FHIT: variants seen among roughly 807,000 people sequenced by gnomAD.
The protein encoded by FHIT is fragile histidine triad diadenosine triphosphatase.
Under a neutral mutation model 17.9 loss-of-function variants are expected in FHIT, and 19 were observed. The observed-to-expected ratio is 1.06, with a 90% CI of 0.74 to 1.56. FHIT has a LOEUF of 1.56. FHIT is among the 40% of genes most tolerant of loss of function. The probability of loss-of-function intolerance (pLI) is 0.00; values close to 1 mark genes in which losing one functional copy is unlikely to be tolerated. For missense variants in FHIT, 248 were observed against 189.2 expected (o/e 1.31, Z -1.82); for synonymous variants, 81 against 69.7 (o/e 1.16, Z -0.81).
intron 8 of FHIT, among the ~76,000 whole-genome samples, chr3:59,860,615 A>G (rs181111930): frequency 6.6e-6 from 1 of 152,252 alleles, no homozygotes; most frequent in East Asian, 1.9e-4. Flanking sequence ...AAAGTATGAG[A>G]CTGACTGGAG....
chr3:60,520,735 A>G (rs902340042), intron 5 of FHIT, among the ~76,000 whole-genome samples: 53 of 152,250 alleles, frequency 3.5e-4, no homozygotes, highest in African/African-American at 1.0e-3. Context: ...TGGAGGAGCG[A>G]GACACTTAGA....
chr3:60,910,063 A>G (rs1275478985), intron 3 of FHIT, among the ~76,000 whole-genome samples: 1 of 152,058 alleles, frequency 6.6e-6, no homozygotes. Context: ...CCTTTAATGC[A>G]CTGTCCCGCC....
chr3:59,806,904 C>A (rs1700227180), intron 8 of FHIT, among the ~76,000 whole-genome samples: 1 of 152,022 alleles, frequency 6.6e-6, no homozygotes, highest in South Asian at 2.1e-4. Context: ...AGGGAAAGAT[C>A]TTCAGAAAGC....
chr3:60,441,763 T>TATACACACAC (rs1559916125), intron 5 of FHIT, among the ~76,000 whole-genome samples: 86 of 21,378 alleles, frequency 4.0e-3, no homozygotes, highest in Admixed American at 6.5e-3. Context: ...TAAAAATATA[T>TATACACACAC]ATATATTTAT....
chr3:60,600,915 A>G (rs560237006), intron 4 of FHIT, among the ~76,000 whole-genome samples: 1 of 152,136 alleles, frequency 6.6e-6, no homozygotes, highest in Non-Finnish European at 1.5e-5. Context: ...ACAGCCCTGC[A>G]CCAAGCATGC....
intron 2 of FHIT, among the ~76,000 whole-genome samples, chr3:61,055,428 GT>G (rs2034182371): frequency 6.6e-6 from 1 of 152,156 alleles, no homozygotes; most frequent in African/African-American, 2.4e-5. Flanking sequence ...CTACTGTAGT[GT>G]TAACATCAGG....
At chr3:60,168,530 T>A (rs1234511195) in intron 5 of FHIT, among the ~76,000 whole-genome samples, 1 of 152,146 alleles carries the variant, frequency 6.6e-6, no homozygotes, top group Non-Finnish European at 1.5e-5. Flanking sequence ...AGGTGTCCAC[T>A]CTGCCTGCCA....
At chr3:59,884,373 A>T (rs1183876927) in intron 8 of FHIT, among the ~76,000 whole-genome samples, 2 of 152,170 alleles carry the variant, frequency 1.3e-5, no homozygotes, top group Non-Finnish European at 2.9e-5. Context: ...ATACATACAC[A>T]CACATGCATA....
intron 4 of FHIT, among the ~76,000 whole-genome samples, chr3:60,735,657 G>A (rs2042119520): frequency 6.6e-6 from 1 of 152,200 alleles, no homozygotes; most frequent in Non-Finnish European, 1.5e-5. Context: ...AGAGATGATA[G>A]AGACATATTT....
rs1372880970 is a variant in FHIT at position 60,173,921 on chromosome 3, T to A, written c.104-159769A>T. On this transcript the variant is annotated intron_variant, in intron 5 of 9. Coordinates refer to ENST00000492590, the MANE Select transcript of FHIT (RefSeq NM_002012.4). ...TATATATATATATATATATATGTTT[T>A]TTTTTTTTTTTGAGATCGAGTCTCA... Among the ~76,000 whole-genome samples the A allele has an allele frequency of 2.8e-3, 141 of 50,386 alleles. 2 individuals are homozygous for A. The highest frequency in any genetic ancestry group is 3.4e-3 in the Non-Finnish European group (94 of 27,526). 33.1% of individuals were successfully genotyped at this position (50,386 alleles called of 152,430 possible).
chr3:60,940,773 C>A (rs1046951102), intron 3 of FHIT, among the ~76,000 whole-genome samples: 5 of 152,180 alleles, frequency 3.3e-5, no homozygotes, highest in Non-Finnish European at 7.3e-5. Flanking sequence ...TGGTTTAAAG[C>A]AGTGCTTCAC....
At chr3:60,553,736 G>T (rs1009589005) in intron 4 of FHIT, among the ~76,000 whole-genome samples, 37 of 151,940 alleles carry the variant, frequency 2.4e-4, no homozygotes, top group Non-Finnish European at 1.0e-4. Context: ...ACCAAACACA[G>T]GTGATGAATA....
At chr3:60,303,475 T>A (rs1708530471) in intron 5 of FHIT, among the ~76,000 whole-genome samples, 1 of 152,164 alleles carries the variant, frequency 6.6e-6, no homozygotes, top group South Asian at 2.1e-4. Context: ...CAAAGCAGCA[T>A]TCACTAATGA....
At chr3:61,241,106 C>T (rs907149152) in intron 1 of FHIT, among the ~76,000 whole-genome samples, 3 of 152,142 alleles carry the variant, frequency 2.0e-5, no homozygotes, top group East Asian at 3.8e-4. Flanking sequence ...CCTCTCTCTC[C>T]ACCCCACCAT....
intron 8 of FHIT, among the ~76,000 whole-genome samples, chr3:59,812,700 A>T (rs1302489223): frequency 6.6e-6 from 1 of 152,194 alleles, no homozygotes; most frequent in Non-Finnish European, 1.5e-5. Flanking sequence ...CCCTGTCTGC[A>T]TGGGCTACTT....
chr3:61,158,809 G>C (rs1409387244), intron 2 of FHIT, among the ~76,000 whole-genome samples: 1 of 152,156 alleles, frequency 6.6e-6, no homozygotes, highest in African/African-American at 2.4e-5. Flanking sequence ...TTTTTAAAAA[G>C]CTCATAAACT....
Position 59,940,541 on chromosome 3 carries a change from T to C in FHIT, c.280-18127A>G, listed in dbSNP as rs1001876962. Among the ~76,000 whole-genome samples, 12 of 152,130 alleles carry C rather than the reference T, an allele frequency of 7.9e-5. No homozygotes were observed. The East Asian group carries it at 1.5e-3, about 20-fold the overall frequency. Reference sequence around the variant, plus strand: ...GAAAAACTTTGCTTGGGGAGGGAGATGGAAGGCAGAGAACGAGGGTTTCTC... The same window carrying C: ...GAAAAACTTTGCTTGGGGAGGGAGACGGAAGGCAGAGAACGAGGGTTTCTC... On this transcript the variant is annotated intron_variant, in intron 7 of 9. Transcript: ENST00000492590.
Position 59,882,718 on chromosome 3 carries a change from G to C in FHIT, c.348+39628C>G, listed in dbSNP as rs543474123. Among the ~76,000 whole-genome samples the C allele has an allele frequency of 9.9e-5, 15 of 152,274 alleles. No individual in the cohort carries two copies. The South Asian group carries it at 3.1e-3, about 32-fold the overall frequency. On this transcript the variant is annotated intron_variant, in intron 8 of 9. Coordinates refer to ENST00000492590, the MANE Select transcript of FHIT (RefSeq NM_002012.4). ...TGTGAGGAAGAAGACAGATGCCCTGGCAAATGGTGCTGCTCCCAAAAACAT... is the reference window on the plus strand; with the variant it reads ...TGTGAGGAAGAAGACAGATGCCCTGCCAAATGGTGCTGCTCCCAAAAACAT...
At chr3:60,138,409 G>C (rs769216013) in intron 5 of FHIT, among the ~76,000 whole-genome samples, 5 of 152,180 alleles carry the variant, frequency 3.3e-5, no homozygotes, top group Non-Finnish European at 7.3e-5. Context: ...TCTTTGAGAA[G>C]ATGAAAGAAA....
Sources: gnomAD v4.1 joint callset for allele counts (sites outside exome capture counted in the v4.1 genomes callset) on GRCh38, gnomAD v4.1.1 for gene constraint, MANE v1.5 for transcripts, NCBI Gene and HGNC (gene_info 2026-07-23, HGNC 2026-07-21) for gene names.